TTN: variants seen among roughly 807,000 people sequenced by gnomAD.
The protein encoded by TTN is connectin.
Under a neutral mutation model 3,223.0 loss-of-function variants are expected in TTN, and 1,525 were observed. The observed-to-expected ratio is 0.47, with a 90% CI of 0.45 to 0.49. The LOEUF (loss-of-function observed/expected upper bound fraction) is 0.49. TTN is among the 20% of genes least tolerant of loss of function. The pLI, the probability that TTN is intolerant of heterozygous loss-of-function variation, is 0.00. For missense variants in TTN, 40,786 were observed against 43,424.0 expected, an observed-to-expected ratio of 0.94 and a Z score of 5.40; for synonymous variants, 14,094 against 15,161.0, an observed-to-expected ratio of 0.93 and a Z score of 5.17.
chr2:178,609,305 G>T lies in TTN; in HGVS notation c.52005C>A (p.Arg17335=). 1 of 1,605,012 alleles carries T rather than the reference G, an allele frequency of 6.2e-7. No homozygotes were observed. Among genetic ancestry groups the T allele is most frequent in the South Asian group, 1.1e-5 (1 of 89,644 alleles). Residue 17335 remains arginine, a synonymous_variant, in exon 273 of 363, where the codon CGC becomes CGA. Coordinates refer to ENST00000589042, the MANE Select transcript of TTN (RefSeq NM_001267550.2). The part of the protein sequence containing the change: ...DNSKKGESQL[R]VRDSLRPDHG... ...GGTCAGGTCGGAGAGAATCTCGGAC[G>T]CGTAGCTGAGATTCTCCCTTTTTGC... is the stretch of plus-strand genomic sequence containing the variant.
intron 6 of TTN, chr2:178,798,492 A>C (rs887957636): frequency 1.1e-4 from 16 of 152,308 alleles, no homozygotes; most frequent in African/African-American, 3.8e-4. Flanking sequence ...TAACACAAGC[A>C]TATGCAAAAT....
At chr2:178,751,036 T>A (rs1334674314) in intron 47 of TTN, 3 of 1,612,442 alleles carry the variant, frequency 1.9e-6, no homozygotes, top group Admixed American at 3.3e-5. Context: ...TTGTGGGAAG[T>A]TCCTCAGATT....
At chr2:178,637,187 A>ATATATATC (rs1553749552) in intron 224 of TTN, among the ~76,000 whole-genome samples, 182 bp downstream of exon 224, 19 of 125,292 alleles carry the variant, frequency 1.5e-4, no homozygotes, top group African/African-American at 5.8e-4. Context: ...ATATATATAT[A>ATATATATC]TATCTCCTTG....
chr2:178,578,675 G>C lies in TTN; in HGVS notation c.68265C>G (p.Val22755=). 1 of 1,611,920 alleles carries C rather than the reference G, an allele frequency of 6.2e-7. No individual in the cohort carries two copies. The highest frequency in any genetic ancestry group is 8.5e-7 in the Non-Finnish European group (1 of 1,179,072). ...DAPPPPNIVD[V]RHDSVSLTWT... ...AAGTTAGAGATACTGAATCGTGTCT[G>C]ACATCCACAATATTGGGAGGTGGGG... Residue 22755 remains valine, a synonymous_variant, in exon 321 of 363, where the codon GTC becomes GTG. Transcript: ENST00000589042.
rs2056624531 is a variant in TTN, at chr2:178,613,006, C to T, written c.49715G>A (p.Trp16572Ter). The change falls in exon 265 of 363, where the codon TGG becomes TAG. Residue 16572 changes from tryptophan (W) to a stop codon, truncating the protein, a stop_gained. Coordinates refer to ENST00000589042, the MANE Select transcript of TTN (RefSeq NM_001267550.2). LOFTEE classifies it high-confidence loss of function. ...DVGKTSVRLN[W>*]TKPEHDGGAK... ...ACCTCCATCATGTTCTGGTTTTGTC[C>T]AATTCAACCTTACTGATGTTTTGCC... 2 of 1,612,604 alleles carry T rather than the reference C, an allele frequency of 1.2e-6. No homozygotes were observed. Among genetic ancestry groups the T allele is most frequent in the Non-Finnish European group, 1.7e-6 (2 of 1,179,240 alleles).
chr2:178,735,495 T>C lies in TTN; in HGVS notation c.14935+16A>G, dbSNP rs747250143. ...TGCAGAGAAGGGACTAGAAAATACATTCACACGTTTCTTACCTCTGACAGT... is the reference window on the plus strand; with the variant it reads ...TGCAGAGAAGGGACTAGAAAATACACTCACACGTTTCTTACCTCTGACAGT... On this transcript the variant is annotated intron_variant, in intron 50 of 362. Transcript: ENST00000589042. The C allele has an allele frequency of 6.5e-7, 1 of 1,539,568 alleles. No homozygotes were observed. The highest frequency in any genetic ancestry group is 1.4e-5 in the African/African-American group (1 of 72,258).
Position 178,617,802 on chromosome 2 carries a change from A to G in TTN, c.47549T>C (p.Phe15850Ser), listed in dbSNP as rs1462059025. 3 of 1,612,222 alleles carry G rather than the reference A, an allele frequency of 1.9e-6. No individual in the cohort carries two copies. The African/African-American group carries it at 4.0e-5, about 22-fold the overall frequency. The change falls in exon 253 of 363, where the codon TTC (phenylalanine) becomes TCC (serine). Residue 15850 changes from phenylalanine to serine, a missense_variant. Coordinates refer to ENST00000589042, the MANE Select transcript of TTN (RefSeq NM_001267550.2). ...GVGKPSAATPFVKVADPIERP... is the reference protein window; with the variant it reads ...GVGKPSAATPSVKVADPIERP... ...ACCAATTGGATCAGCAACTTTGACG[A>G]AGGGTGTGGCTGCACTTGGTTTTCC...
rs730880350 is a variant in TTN at position 178,632,421 on chromosome 2, GA to G, written c.43481-9del. ...GGAATTTGAGCCGGATTCCTATCAA[GA>G]AAAAAAAGAAAGAACTTATTAATTG... On this transcript the variant is annotated splice_polypyrimidine_tract_variant and intron_variant, in intron 235 of 362. Coordinates refer to ENST00000589042, the MANE Select transcript of TTN (RefSeq NM_001267550.2). 1.3e-6 allele frequency: 2 copies of G among 1,567,770 alleles called. No homozygotes were observed. The highest frequency in any genetic ancestry group is 1.7e-6 in the Non-Finnish European group (2 of 1,162,872).
In TTN at chr2:178,775,101, T is replaced by C. The variant is rs1466089767; in HGVS notation, c.6610A>G (p.Lys2204Glu). The C allele has an allele frequency of 1.9e-6, 3 of 1,614,102 alleles. No homozygotes were observed. Among genetic ancestry groups the C allele is most frequent in the Non-Finnish European group, 2.5e-6 (3 of 1,179,994 alleles). Residue 2204 changes from lysine (K) to glutamate (E), a missense_variant, in exon 29 of 363, where the codon AAA becomes GAA. Physicochemically the swap from Lys to Glu is moderately conservative, Grantham distance 56. Transcript: ENST00000589042. ...FECETSEPFV[K>E]VKWYKDGMEV... ...ATACCATCTTTATACCATTTCACTTTGACAAATGGTTCTGAAGTTTCACAT... is the reference window on the plus strand; with the variant it reads ...ATACCATCTTTATACCATTTCACTTCGACAAATGGTTCTGAAGTTTCACAT...
At chr2:178,768,372 C>T (rs2090899286) in intron 38 of TTN, among the ~76,000 whole-genome samples, 1 of 152,190 alleles carries the variant, frequency 6.6e-6, no homozygotes, top group South Asian at 2.1e-4. Context: ...TATTGTCTCC[C>T]CTGTAGACCT....
intron 141 of TTN, 64 bp downstream of exon 141, chr2:178,679,535 A>T (rs1344022066): frequency 1.3e-6 from 2 of 1,588,652 alleles, no homozygotes; most frequent in Admixed American, 1.8e-5. Context: ...TGAACTCAGA[A>T]GAAAGTTAAC....
At chr2:178,738,827 C>CT (rs1372109147) in intron 48 of TTN, among the ~76,000 whole-genome samples, 7 of 152,220 alleles carry the variant, frequency 4.6e-5, no homozygotes, top group Admixed American at 6.5e-5. Flanking sequence ...TTCACTGATA[C>CT]TTTTTATTAC....
intron 337 of TTN, 22 bp from the exon 338 acceptor site, chr2:178,549,891 G>C (rs770052057): frequency 7.1e-6 from 11 of 1,538,558 alleles, no homozygotes; most frequent in Non-Finnish European, 7.0e-6. Context: ...AGTTTCTAGA[G>C]TTAGTTTCTT....
chr2:178,598,919 ATC>A lies in TTN; in HGVS notation c.56789_56790del (p.Arg18930MetfsTer5). On this transcript the variant is annotated frameshift_variant, in exon 291 of 363. Coordinates refer to ENST00000589042, the MANE Select transcript of TTN (RefSeq NM_001267550.2). LOFTEE classifies it high-confidence loss of function. ...WLEMKDTTSK[R>X]WKRVNRDPIK... ...ATAGGATCTCGGTTAACTCTCTTCC[ATC>A]TCTTTGAAGTGGTGTCTTTCATTTC... is the stretch of plus-strand genomic sequence containing the variant. The A allele has an allele frequency of 6.2e-7, 1 of 1,613,034 alleles. No individual in the cohort carries two copies. Among genetic ancestry groups the A allele is most frequent in the Non-Finnish European group, 8.5e-7 (1 of 1,179,496 alleles).
chr2:178,780,075 A>G lies in TTN; in HGVS notation c.3654T>C (p.Tyr1218=), dbSNP rs2092628894. 9.9e-6 allele frequency: 16 copies of G among 1,613,438 alleles called. No individual in the cohort carries two copies. The highest frequency in any genetic ancestry group is 1.3e-5 in the Non-Finnish European group (15 of 1,179,564). Reference sequence around the variant, plus strand: ...TCCTAATTAAGGCTTGTTCTTTTTCATACTCTTTTTCATACTCAGAGTATA... The same window carrying G: ...TCCTAATTAAGGCTTGTTCTTTTTCGTACTCTTTTTCATACTCAGAGTATA... ...GFVYSEYEKE[Y]EKEQALIRKK... is the part of the protein sequence containing the mutation. Residue 1218 remains tyrosine, a synonymous_variant, in exon 22 of 363, where the codon TAT becomes TAC. Coordinates refer to ENST00000589042, the MANE Select transcript of TTN (RefSeq NM_001267550.2).
intron 100 of TTN, 54 bp downstream of exon 100, chr2:178,707,468 CAAAT>C: frequency 6.7e-7 from 1 of 1,492,666 alleles, no homozygotes; most frequent in Non-Finnish European, 9.0e-7. Flanking sequence ...TCATAATAAG[CAAAT>C]AAACATGAGT....
chr2:178,531,744 T>C lies in TTN; in HGVS notation c.104871A>G (p.Gln34957=). Residue 34957 remains glutamine (Q), a synonymous_variant, in exon 358 of 363, where the codon CAA becomes CAG. Coordinates refer to ENST00000589042, the MANE Select transcript of TTN (RefSeq NM_001267550.2). ...RMRSHRVPCG[Q]NTRFILNVQS... ...GAACATTTAAAATAAAACGTGTATT[T>C]TGGCCACATGGTACCCTGTGCGAGC... 1.2e-6 allele frequency: 2 copies of C among 1,613,988 alleles called. No individual in the cohort carries two copies. Among genetic ancestry groups the C allele is most frequent in the Non-Finnish European group, 1.7e-6 (2 of 1,179,876 alleles).
In TTN at chr2:178,652,249, C is replaced by T. The variant is rs2154250485; in HGVS notation, c.39211+15G>A. On this transcript the variant is annotated intron_variant, in intron 203 of 362. Transcript: ENST00000589042. ...AAACAAACAATATCAAACACAGCAC[C>T]ATGAGGGTGTCTACCTTTTGTGGGT... is the stretch of plus-strand genomic sequence containing the variant. 1.9e-6 allele frequency: 3 copies of T among 1,613,370 alleles called. No individual in the cohort carries two copies. Among genetic ancestry groups the T allele is most frequent in the South Asian group, 1.1e-5 (1 of 91,046 alleles).
rs1240533155 is a variant in TTN at position 178,546,581 on chromosome 2, A to G, written c.94828+19T>C. On this transcript the variant is annotated intron_variant, in intron 341 of 362. Coordinates refer to ENST00000589042, the MANE Select transcript of TTN (RefSeq NM_001267550.2). ...AAATTGAGATAATTTTAAAAAGGAG[A>G]ATGTTGACTATTTCCTACCGTATTC... 1.3e-6 allele frequency: 2 copies of G among 1,598,530 alleles called. No individual in the cohort carries two copies. Among genetic ancestry groups the G allele is most frequent in the South Asian group, 1.1e-5 (1 of 89,622 alleles).
Sources: gnomAD v4.1 joint callset for allele counts (sites outside exome capture counted in the v4.1 genomes callset) on GRCh38, gnomAD v4.1.1 for gene constraint, MANE v1.5 for transcripts, NCBI Gene and HGNC (gene_info 2026-07-23, HGNC 2026-07-21) for gene names.